Variants in ITGAM observed in about 807,000 individuals in gnomAD.
ITGAM encodes the protein integrin alpha-M.
ITGAM carries 79 observed loss-of-function variants against 137.5 expected under a neutral mutation model. The observed-to-expected ratio is 0.57, with a 90% CI of 0.48 to 0.69. ITGAM has a LOEUF of 0.69. Ranked by LOEUF, ITGAM falls within the 30% of genes least tolerant of loss-of-function variation. The pLI is 0.00. For missense variants in ITGAM, 1,343 were observed against 1,483.5 expected (o/e 0.91, Z 1.56); for synonymous variants, 583 against 592.3 (o/e 0.98, Z 0.23).
At chr16:31,306,435 G>T (rs1212046437) in intron 14 of ITGAM, among the ~76,000 whole-genome samples, 1 of 151,528 alleles carries the variant, frequency 6.6e-6, no homozygotes, top group Non-Finnish European at 1.5e-5. Context: ...TTTTTGATAA[G>T]AATATCAGTG....
rs1459679336 is a variant in ITGAM, at chr16:31,271,990, G to A, written c.702G>A (p.Val234=). The change falls in exon 7 of 30, where the codon GTG becomes GTA. Residue 234 remains valine, a splice_region_variant and synonymous_variant. Coordinates refer to ENST00000544665, the MANE Select transcript of ITGAM (RefSeq NM_000632.4). The stretch of plus-strand genomic sequence containing the variant: ...ACACGGCCACGGGCATCCGCAAAGT[G>A]GTGTAAGCTTCCCCTTTTCCCTTAG... ...RTHTATGIRK[V]VRELFNITNG... is the part of the protein sequence containing the mutation. The A allele has an allele frequency of 2.5e-6, 4 of 1,613,980 alleles. No individual in the cohort carries two copies. Among genetic ancestry groups the A allele is most frequent in the Non-Finnish European group, 3.4e-6 (4 of 1,179,882 alleles).
chr16:31,260,073 C>T lies in ITGAM; in HGVS notation c.9C>T (p.Leu3=). 6.4e-7 allele frequency: 1 copy of T among 1,573,858 alleles called. No homozygotes were observed. The highest frequency in any genetic ancestry group is 1.2e-5 in the South Asian group (1 of 86,388). Residue 3 remains leucine, a synonymous_variant, in exon 1 of 30, where the codon CTC becomes CTT. Coordinates refer to ENST00000544665, the MANE Select transcript of ITGAM (RefSeq NM_000632.4). MA[L]RVLLLTALTL... ...TCTGGCTCCTTCCAGCCATGGCTCT[C>T]AGAGTCCTTCTGTTAACAGGTGCAT...
intron 12 of ITGAM, among the ~76,000 whole-genome samples, chr16:31,297,024 C>T (rs1217675276): frequency 1.3e-5 from 2 of 152,140 alleles, no homozygotes; most frequent in Non-Finnish European, 2.9e-5. Flanking sequence ...TCTGTCTTCT[C>T]TTCTAGAATT....
chr16:31,272,855 G>A (rs185685564), intron 7 of ITGAM, among the ~76,000 whole-genome samples: 111 of 151,964 alleles, frequency 7.3e-4, no homozygotes, highest in Admixed American at 3.2e-3. Flanking sequence ...AACAAAAACC[G>A]TGAAGGCTTC....
At chr16:31,318,397 G>A (rs2080414508) in intron 14 of ITGAM, among the ~76,000 whole-genome samples, 1 of 144,398 alleles carries the variant, frequency 6.9e-6, no homozygotes, top group Non-Finnish European at 1.5e-5. Flanking sequence ...AGGCTGGAGT[G>A]CAGTGGCATG....
At chr16:31,296,051 T>C (rs2080129469) in intron 12 of ITGAM, among the ~76,000 whole-genome samples, 1 of 152,112 alleles carries the variant, frequency 6.6e-6, no homozygotes, top group Non-Finnish European at 1.5e-5. Flanking sequence ...GAATCATCCT[T>C]GCATCTCGCA....
At chr16:31,286,060 C>T (rs1261571061) in intron 12 of ITGAM, among the ~76,000 whole-genome samples, 6 of 152,004 alleles carry the variant, frequency 3.9e-5, no homozygotes, top group Non-Finnish European at 7.4e-5. Context: ...CTATGTATAC[C>T]CAGTGTTTAG....
chr16:31,266,862 ATTTTTTTTTTT>A (rs79448805), intron 5 of ITGAM, among the ~76,000 whole-genome samples: 36 of 145,178 alleles, frequency 2.5e-4, no homozygotes, highest in African/African-American at 4.5e-4. Context: ...GACTGTATGG[ATTTTTTTTTTT>A]TTTTTTTTTT....
Position 31,278,070 on chromosome 16 carries a change from T to G in ITGAM, c.1317T>G (p.Thr439=). 1 of 1,608,704 alleles carries G rather than the reference T, an allele frequency of 6.2e-7. No individual in the cohort carries two copies. Among genetic ancestry groups the G allele is most frequent in the Non-Finnish European group, 8.5e-7 (1 of 1,177,662 alleles). Residue 439 remains threonine (T), a synonymous_variant, in exon 12 of 30, where the codon ACT becomes ACG. Coordinates refer to ENST00000544665, the MANE Select transcript of ITGAM (RefSeq NM_000632.4). ...TGGTAGCGATGTTCAGGCAGAACAC[T>G]GGCATGTGGGAGTCCAACGCTAATG... ...IGLVAMFRQN[T]GMWESNANVK... is the part of the protein sequence containing the mutation.
At chr16:31,295,820 A>G (rs576626090) in intron 12 of ITGAM, among the ~76,000 whole-genome samples, 1 of 151,662 alleles carries the variant, frequency 6.6e-6, no homozygotes, top group South Asian at 2.1e-4. Flanking sequence ...AAAGCTTTCA[A>G]TTTTTCACCA....
chr16:31,299,704 T>C (rs1419121147), intron 14 of ITGAM, among the ~76,000 whole-genome samples: 2 of 152,192 alleles, frequency 1.3e-5, no homozygotes, highest in African/African-American at 4.8e-5. Context: ...TCCTCCAGGT[T>C]CATCCATGTT....
chr16:31,264,987 C>A (rs2079747490), intron 2 of ITGAM, among the ~76,000 whole-genome samples: 1 of 152,156 alleles, frequency 6.6e-6, no homozygotes, highest in African/African-American at 2.4e-5. Context: ...CTTGCCTCAG[C>A]CTCCCATTTA....
chr16:31,277,444 C>T (rs567489801), intron 11 of ITGAM, among the ~76,000 whole-genome samples: 4 of 151,988 alleles, frequency 2.6e-5, no homozygotes, highest in African/African-American at 7.2e-5. Flanking sequence ...CCACAACCTC[C>T]GCCTCCCAGG....
At position 31,330,292 on chromosome 16, in the gene ITGAM, C is replaced by T. The variant is rs936003637; in HGVS notation, c.3061-16C>T. On this transcript the variant is annotated splice_polypyrimidine_tract_variant and intron_variant, in intron 26 of 29. Transcript: ENST00000544665. ...TCGGCTTCCTTACCCGTCCCCTCCC[C>T]TCCTGCGTTCCCCAGAACTGCTCCA... The T allele has an allele frequency of 5.6e-6, 9 of 1,607,430 alleles. No homozygotes were observed. The highest frequency in any genetic ancestry group is 5.0e-5 in the Admixed American group (3 of 60,004).
intron 12 of ITGAM, among the ~76,000 whole-genome samples, chr16:31,292,880 C>T (rs964717360): frequency 6.6e-6 from 1 of 152,116 alleles, no homozygotes; most frequent in African/African-American, 2.4e-5. Context: ...ACCACTCCCA[C>T]CAACAGTATA....
In ITGAM at chr16:31,331,780, T is replaced by C; in HGVS notation, c.*73T>C. On this transcript the variant is annotated 3_prime_UTR_variant, in exon 30 of 30. Coordinates refer to ENST00000544665, the MANE Select transcript of ITGAM (RefSeq NM_000632.4). The stretch of plus-strand genomic sequence containing the variant: ...CCCAGACCACACGTAGCCCCCAGGC[T>C]GCTGGACACGTCGGACAGCGAAGTA... 8.3e-7 allele frequency: 1 copy of C among 1,211,406 alleles called. No homozygotes were observed. The highest frequency in any genetic ancestry group is 2.5e-5 in the East Asian group (1 of 39,824). The allele number at this position is 1,211,406 out of a possible 1,614,324, so 75.0% of individuals were successfully genotyped here.
rs772787590 is a variant in ITGAM at position 31,331,707 on chromosome 16, G to T, written c.3459G>T (p.Ter1153TyrextTer21). 1.3e-5 allele frequency: 21 copies of T among 1,599,708 alleles called. No homozygotes were observed. Among genetic ancestry groups the T allele is most frequent in the Non-Finnish European group, 1.8e-5 (21 of 1,173,424 alleles). Residue 1153 changes from the stop codon to tyrosine (Y), a stop_lost, in exon 30 of 30, where the codon TAG becomes TAT. Transcript: ENST00000544665. The stretch of plus-strand genomic sequence containing the variant: ...GTCCCCCGGGGGCCGAACCCCAGTA[G>T]CGGCTCCTTCCCGACAGAGCTGCCT... ...EGGPPGAEPQ[*>Y]
chr16:31,299,253 T>C (rs1172089355), intron 14 of ITGAM, among the ~76,000 whole-genome samples: 1 of 152,150 alleles, frequency 6.6e-6, no homozygotes, highest in Non-Finnish European at 1.5e-5. Context: ...TCCTCATTGT[T>C]CTCTAGCCTC....
rs554430306 is a variant in ITGAM, at chr16:31,324,228, G to GGAAA, written c.2003-154_2003-151dup. ...GGAAGGAAAGGGAGGAAGAGAGCGA[G>GGAAA]GAAAGAAAGAAAGAAAGAAAAAGGA... On this transcript the variant is annotated intron_variant, in intron 16 of 29. Transcript: ENST00000544665. This position sits in a 1 kb window ranked among gnomAD's most constrained non-coding sequence, Gnocchi z 4.5. Among the ~76,000 whole-genome samples the GGAAA allele has an allele frequency of 2.9e-4, 44 of 150,936 alleles. 1 individual carries two copies. The highest frequency in any genetic ancestry group is 1.5e-3 in the Admixed American group (23 of 15,108).
Sources: allele counts gnomAD v4.1 joint callset (sites outside exome capture counted in the v4.1 genomes callset), GRCh38; gene constraint gnomAD v4.1.1; non-coding constraint Gnocchi (gnomAD v3.1); transcripts MANE v1.5; gene names NCBI Gene and HGNC (gene_info 2026-07-23, HGNC 2026-07-21).